The following ALDH1A2 variants were observed in gnomAD, a reference collection of about 807,000 sequenced individuals.
The protein encoded by ALDH1A2 is retinal dehydrogenase 2.
ALDH1A2 carries 27 observed loss-of-function variants against 60.3 expected under a neutral mutation model. The ratio of observed to expected loss-of-function variants is 0.45; its 90% CI spans 0.33 to 0.62. The LOEUF is 0.62. ALDH1A2 is among the 20% of genes least tolerant of loss of function. ALDH1A2 has a pLI of 0.02. For missense variants in ALDH1A2, 581 were observed against 643.8 expected, an observed-to-expected ratio of 0.90 and a Z score of 1.06; for synonymous variants, 289 against 232.4, an observed-to-expected ratio of 1.24 and a Z score of -2.21.
In ALDH1A2 at chr15:58,057,775, A is replaced by C. The variant is rs151098224; in HGVS notation, c.117+7759T>G. ...CTACCGCCTCTTCAGAGCAGGGGCC[A>C]CACCTATATATCTTTCTCTGCCAGA... On this transcript the variant is annotated intron_variant, in intron 1 of 12. Transcript: ENST00000249750. 1.4e-3 allele frequency among the ~76,000 whole-genome samples: 216 copies of C among 152,236 alleles called. 1 individual carries two copies. Among genetic ancestry groups the C allele is most frequent in the African/African-American group, 5.2e-3 (215 of 41,532 alleles).
intron 1 of ALDH1A2, among the ~76,000 whole-genome samples, chr15:58,031,468 G>C (rs1453805662): frequency 2.0e-5 from 3 of 152,138 alleles, no homozygotes; most frequent in Non-Finnish European, 4.4e-5. Flanking sequence ...AAGACTTCAT[G>C]ACTAAAACAC....
At chr15:58,037,261 A>G (rs758316598) in intron 1 of ALDH1A2, among the ~76,000 whole-genome samples, 26 of 151,778 alleles carry the variant, frequency 1.7e-4, no homozygotes, top group Non-Finnish European at 3.5e-4. Flanking sequence ...AGAAAAGAGA[A>G]AAAAAGAATT....
chr15:58,002,450 T>C (rs1895304963), intron 4 of ALDH1A2, among the ~76,000 whole-genome samples: 1 of 151,972 alleles, frequency 6.6e-6, no homozygotes. Flanking sequence ...AAATCAGATC[T>C]TACAGTTGCC....
intron 1 of ALDH1A2, among the ~76,000 whole-genome samples, chr15:58,052,220 AG>A (rs2140571704): frequency 6.6e-6 from 1 of 152,254 alleles, no homozygotes; most frequent in East Asian, 1.9e-4. Context: ...AAACTGTTTG[AG>A]TGCAAATTTT....
At chr15:57,963,369 G>A (rs964954902) in intron 9 of ALDH1A2, among the ~76,000 whole-genome samples, 9 of 141,522 alleles carry the variant, frequency 6.4e-5, no homozygotes, top group East Asian at 2.0e-4. Flanking sequence ...TTTTTGAGAC[G>A]GAGTCTTGCT....
At chr15:58,020,287 G>C (rs911708559) in intron 1 of ALDH1A2, among the ~76,000 whole-genome samples, 3 of 152,150 alleles carry the variant, frequency 2.0e-5, no homozygotes, top group Admixed American at 2.0e-4. Context: ...ACATACGTGT[G>C]CATGTATCTT....
chr15:57,975,386 T>C (rs1036779261), intron 7 of ALDH1A2, among the ~76,000 whole-genome samples: 1 of 152,262 alleles, frequency 6.6e-6, no homozygotes, highest in Admixed American at 6.5e-5. Context: ...TTAAACCTGA[T>C]ACAGGTTGAA....
In ALDH1A2 at chr15:57,962,067, A is replaced by G; in HGVS notation, c.1196T>C (p.Ile399Thr). The G allele has an allele frequency of 1.2e-6, 2 of 1,614,198 alleles. No homozygotes were observed. The highest frequency in any genetic ancestry group is 4.5e-5 in the East Asian group (2 of 44,874). ...GKGLGRKGFF[I>T]EPTVFSNVTD... ...GACGTTGGAAAACACTGTGGGCTCA[A>G]TGAAAAACCCCTTTCGGCCCAGTCC... is the stretch of plus-strand genomic sequence containing the variant. Residue 399 changes from isoleucine (I) to threonine (T), a missense_variant, in exon 10 of 13, where the codon ATT (isoleucine) becomes ACT (threonine). Physicochemically the swap from Ile to Thr is moderately conservative, Grantham distance 89. Transcript: ENST00000249750.
intron 1 of ALDH1A2, among the ~76,000 whole-genome samples, chr15:58,062,967 C>G (rs923110417): frequency 6.6e-6 from 1 of 152,138 alleles, no homozygotes; most frequent in African/African-American, 2.4e-5. Flanking sequence ...CTCTAGCAGG[C>G]AAAGGCAGTA....
intron 1 of ALDH1A2, among the ~76,000 whole-genome samples, chr15:58,019,235 C>T (rs947009995): frequency 5.9e-5 from 9 of 151,890 alleles, no homozygotes; most frequent in Admixed American, 1.3e-4. Context: ...ATTTGTTAAA[C>T]GAAGAAACGA....
Position 57,953,492 on chromosome 15 carries a change from A to AAT in ALDH1A2, c.*1703_*1704dup, listed in dbSNP as rs1735699498. The AAT allele has an allele frequency of 6.5e-6, 1 of 152,794 alleles. No homozygotes were observed. The highest frequency in any genetic ancestry group is 2.4e-5 in the African/African-American group (1 of 41,454). 9.5% of individuals were successfully genotyped at this position (152,794 alleles called of 1,614,324 possible). On this transcript the variant is annotated 3_prime_UTR_variant, in exon 13 of 13. Transcript: ENST00000249750. ...CTTTTTAAGTAAATTAAAAGAAATA[A>AAT]ATCTTCATTTTCACATTTTTTGTTG... is the stretch of plus-strand genomic sequence containing the variant.
At chr15:57,994,275 G>A (rs1393517043) in intron 5 of ALDH1A2, among the ~76,000 whole-genome samples, 1 of 152,130 alleles carries the variant, frequency 6.6e-6, no homozygotes, top group Non-Finnish European at 1.5e-5. Flanking sequence ...AGTAACCTGG[G>A]ATTCATCAAT....
At chr15:58,052,716 T>C (rs1277351658) in intron 1 of ALDH1A2, among the ~76,000 whole-genome samples, 1 of 152,172 alleles carries the variant, frequency 6.6e-6, no homozygotes, top group African/African-American at 2.4e-5. Flanking sequence ...AACTGTTAAA[T>C]GAACATACAT....
intron 1 of ALDH1A2, among the ~76,000 whole-genome samples, chr15:58,061,279 TA>T (rs4646562): frequency 7.4e-5 from 11 of 148,446 alleles, no homozygotes; most frequent in South Asian, 6.4e-4. Flanking sequence ...AAAAAGTATT[TA>T]AAAAAAAAAC....
At chr15:58,053,173 A>G (rs1896817728) in intron 1 of ALDH1A2, among the ~76,000 whole-genome samples, 1 of 152,172 alleles carries the variant, frequency 6.6e-6, no homozygotes, top group Non-Finnish European at 1.5e-5. Context: ...TAAAACACAC[A>G]GTACTTAACA....
chr15:57,960,683 A>C, intron 12 of ALDH1A2, 87 bp downstream of exon 12: 2 of 1,152,520 alleles, frequency 1.7e-6, no homozygotes, highest in Non-Finnish European at 2.6e-6. Context: ...GGATGAGTGT[A>C]AGATAATTAA....
At chr15:57,972,294 G>C (rs1243518924) in intron 7 of ALDH1A2, among the ~76,000 whole-genome samples, 2 of 152,128 alleles carry the variant, frequency 1.3e-5, no homozygotes, top group East Asian at 3.9e-4. Flanking sequence ...CTGGGAATTG[G>C]TTCCCCTTTG....
intron 12 of ALDH1A2, among the ~76,000 whole-genome samples, chr15:57,958,214 G>GTGCACACACACACACACA (rs1555398334): frequency 6.6e-6 from 1 of 151,700 alleles, no homozygotes; most frequent in Admixed American, 6.6e-5. Flanking sequence ...GTACACGCAC[G>GTGCACACACACACACACA]CACACACACA....
At chr15:58,056,715 C>T (rs1173882021) in intron 1 of ALDH1A2, among the ~76,000 whole-genome samples, 1 of 151,994 alleles carries the variant, frequency 6.6e-6, no homozygotes, top group African/African-American at 2.4e-5. Context: ...AGTAAATACA[C>T]AACATAGAAA....
Sources: allele counts gnomAD v4.1 joint callset (sites outside exome capture counted in the v4.1 genomes callset), GRCh38; gene constraint gnomAD v4.1.1; transcripts MANE v1.5; gene names NCBI Gene and HGNC (gene_info 2026-07-23, HGNC 2026-07-21).